PIP5K1B: variants seen among roughly 807,000 people sequenced by gnomAD.
PIP5K1B encodes phosphatidylinositol 4-phosphate 5-kinase type-1 beta.
In PIP5K1B, 42 loss-of-function variants were observed where a neutral mutation model predicts 67.0. That is an observed-to-expected ratio of 0.63 (90% confidence interval 0.49 to 0.81). The LOEUF (loss-of-function observed/expected upper bound fraction) is 0.81. PIP5K1B is among the 30% of genes least tolerant of loss of function. The pLI is 0.00. For synonymous variants in PIP5K1B, 214 were observed against 231.4 expected (o/e 0.92, Z 0.68); for missense variants, 459 against 646.3 (o/e 0.71, Z 3.14).
intron 2 of PIP5K1B, among the ~76,000 whole-genome samples, chr9:68,744,240 G>A (rs922841753): frequency 6.6e-6 from 1 of 152,136 alleles, no homozygotes; most frequent in East Asian, 1.9e-4. Context: ...TTTTTGGAAA[G>A]TACATTTTCC....
intron 8 of PIP5K1B, among the ~76,000 whole-genome samples, chr9:68,908,682 A>G (rs1431520336): frequency 6.6e-6 from 1 of 152,194 alleles, no homozygotes; most frequent in Non-Finnish European, 1.5e-5. Flanking sequence ...CTCTAACTAA[A>G]CTGGCACAAT....
chr9:68,989,077 A>G (rs1013979362), intron 14 of PIP5K1B, among the ~76,000 whole-genome samples: 2 of 129,824 alleles, frequency 1.5e-5, no homozygotes, highest in African/African-American at 5.8e-5. Flanking sequence ...CCTGGCTGAC[A>G]GAGCAAGACT....
intron 7 of PIP5K1B, among the ~76,000 whole-genome samples, chr9:68,893,395 A>G (rs1187929316): frequency 1.6e-5 from 2 of 127,994 alleles, no homozygotes; most frequent in Non-Finnish European, 3.1e-5. Flanking sequence ...GTGCAGTGGC[A>G]TGATCTCGGC....
intron 13 of PIP5K1B, among the ~76,000 whole-genome samples, chr9:68,937,274 G>C (rs551787192): frequency 5.9e-5 from 9 of 152,278 alleles, no homozygotes; most frequent in Admixed American, 5.9e-4. Context: ...ATTAATTACT[G>C]CCTCAATTTC....
chr9:68,814,786 C>G (rs1250171264), intron 2 of PIP5K1B, among the ~76,000 whole-genome samples: 1 of 152,244 alleles, frequency 6.6e-6, no homozygotes, highest in African/African-American at 2.4e-5. Flanking sequence ...TGCCACTTCA[C>G]TCCAGCCTGA....
In PIP5K1B at chr9:68,950,051, C is replaced by T. The variant is rs144970059; in HGVS notation, c.1502+9261C>T. Among the ~76,000 whole-genome samples, 131 of 152,324 alleles carry T rather than the reference C, an allele frequency of 8.6e-4. 1 individual carries two copies. The highest frequency in any genetic ancestry group is 3.1e-3 in the African/African-American group (127 of 41,570). ...AAGGAGGCAGCTTTAGGCTAAACTTCATTTAACAAAGGTATTTTAGGTTAG... is the reference window on the plus strand; with the variant it reads ...AAGGAGGCAGCTTTAGGCTAAACTTTATTTAACAAAGGTATTTTAGGTTAG... On this transcript the variant is annotated intron_variant, in intron 14 of 15. Coordinates refer to ENST00000265382, the MANE Select transcript of PIP5K1B (RefSeq NM_003558.4).
chr9:68,708,957 G>A (rs770399287), intron 1 of PIP5K1B, among the ~76,000 whole-genome samples: 5 of 152,146 alleles, frequency 3.3e-5, no homozygotes, highest in African/African-American at 7.2e-5. Flanking sequence ...TTATGGGTAA[G>A]AAAACTAAAA....
At chr9:68,910,698 G>A (rs183190618) in intron 8 of PIP5K1B, among the ~76,000 whole-genome samples, 1 of 152,244 alleles carries the variant, frequency 6.6e-6, no homozygotes, top group Admixed American at 6.5e-5. Context: ...AATGTGCTTG[G>A]GTCTTCAGAG....
intron 2 of PIP5K1B, among the ~76,000 whole-genome samples, chr9:68,752,550 T>C (rs570548784): frequency 6.6e-6 from 1 of 152,068 alleles, no homozygotes; most frequent in Non-Finnish European, 1.5e-5. Context: ...TTGCTCCTTC[T>C]CTTCCTTCTT....
intron 4 of PIP5K1B, among the ~76,000 whole-genome samples, chr9:68,839,457 C>T (rs1821797433): frequency 6.6e-6 from 1 of 152,070 alleles, no homozygotes; most frequent in African/African-American, 2.4e-5. Context: ...GTTGGTTTCC[C>T]TTTGGTGCAA....
chr9:68,781,260 C>A, intron 2 of PIP5K1B: 1 of 545,448 alleles, frequency 1.8e-6, no homozygotes, highest in Non-Finnish European at 3.3e-6. Flanking sequence ...TGTGTTGAAG[C>A]ATACATCTTT....
At chr9:68,908,529 C>T (rs967800503) in intron 8 of PIP5K1B, among the ~76,000 whole-genome samples, 7 of 151,822 alleles carry the variant, frequency 4.6e-5, no homozygotes, top group Non-Finnish European at 7.4e-5. Context: ...ATTGCCAAAA[C>T]AAGGATTTAA....
At chr9:68,849,791 T>A (rs996804492) in intron 4 of PIP5K1B, among the ~76,000 whole-genome samples, 3 of 152,212 alleles carry the variant, frequency 2.0e-5, no homozygotes, top group Non-Finnish European at 4.4e-5. Flanking sequence ...AAGGGCACAT[T>A]GGTGTTTTAC....
At chr9:68,737,854 G>T (rs1828813871) in intron 1 of PIP5K1B, among the ~76,000 whole-genome samples, 1 of 152,206 alleles carries the variant, frequency 6.6e-6, no homozygotes. Flanking sequence ...AATGCGTAGT[G>T]ACCAATTGTC....
chr9:68,758,116 G>T (rs1349602198), intron 2 of PIP5K1B, among the ~76,000 whole-genome samples: 1 of 152,084 alleles, frequency 6.6e-6, no homozygotes, highest in Non-Finnish European at 1.5e-5. Context: ...AGCTATTCAC[G>T]ACAATTGCCT....
At position 68,731,884 on chromosome 9, in the gene PIP5K1B, C is replaced by T. The variant is rs563879645; in HGVS notation, c.-242-10617C>T. Among the ~76,000 whole-genome samples, 2 of 152,258 alleles carry T rather than the reference C, an allele frequency of 1.3e-5. 1 individual carries two copies. Among genetic ancestry groups the T allele is most frequent in the South Asian group, 4.2e-4 (2 of 4,816 alleles). Reference sequence around the variant, plus strand: ...TTATACTGTTTACTTTTGAAAACTGCCTATTGTTCACTTCACTGTATTTCA... The same window carrying T: ...TTATACTGTTTACTTTTGAAAACTGTCTATTGTTCACTTCACTGTATTTCA... On this transcript the variant is annotated intron_variant, in intron 1 of 15. Transcript: ENST00000265382.
intron 1 of PIP5K1B, among the ~76,000 whole-genome samples, chr9:68,735,316 CTT>C (rs558810934): frequency 1.2e-3 from 37 of 29,798 alleles, no homozygotes; most frequent in African/African-American, 3.6e-3. Context: ...CCCCTAGTGT[CTT>C]TTTTTTTTTT....
chr9:68,879,768 A>G (rs1391315782), intron 6 of PIP5K1B, among the ~76,000 whole-genome samples: 1 of 152,172 alleles, frequency 6.6e-6, no homozygotes, highest in East Asian at 1.9e-4. Flanking sequence ...CATTGTGTAT[A>G]GGTATCAAAA....
At chr9:68,784,062 G>A (rs1412440883) in intron 2 of PIP5K1B, 2 of 166,848 alleles carry the variant, frequency 1.2e-5, no homozygotes, top group Admixed American at 1.3e-4. Context: ...CCTTTTCCCC[G>A]AAGGTATGGA....
Sources: gnomAD v4.1 joint callset for allele counts (sites outside exome capture counted in the v4.1 genomes callset) on GRCh38, gnomAD v4.1.1 for gene constraint, MANE v1.5 for transcripts, NCBI Gene and HGNC (gene_info 2026-07-23, HGNC 2026-07-21) for gene names.